The following OTULIN variants were observed in gnomAD, a reference collection of about 807,000 sequenced individuals.
The protein encoded by OTULIN is ubiquitin thioesterase otulin.
In OTULIN, 15 loss-of-function variants were observed where a neutral mutation model predicts 39.6. That is an observed-to-expected ratio of 0.38 (90% CI 0.25 to 0.58). OTULIN has a LOEUF of 0.58. OTULIN is among the 20% of genes least tolerant of loss of function. The probability of loss-of-function intolerance (pLI) is 0.66; values close to 1 mark genes in which losing one functional copy is unlikely to be tolerated. For missense variants in OTULIN, 319 were observed against 445.9 expected, an observed-to-expected ratio of 0.72 and a Z score of 2.56; for synonymous variants, 156 against 170.3, an observed-to-expected ratio of 0.92 and a Z score of 0.65.
chr5:14,702,144 T>C (rs902402279), downstream of OTULIN, among the ~76,000 whole-genome samples: 1 of 152,172 alleles, frequency 6.6e-6, no homozygotes, highest in Non-Finnish European at 1.5e-5. Flanking sequence ...GAGGCAGCGC[T>C]GATGGCGCTT....
At chr5:14,710,060 T>G in the OTULIN span, 3 of 152,352 alleles carry the variant, frequency 2.0e-5, no homozygotes, top group Middle Eastern at 6.8e-3. Context: ...GAATGCGTTA[T>G]TTCAGGGAGG....
chr5:14,705,556 T>C, the OTULIN span: 109,766 of 152,188 alleles, frequency 0.72, 40,785 homozygotes, highest in Middle Eastern at 0.85. Flanking sequence ...GAATCACGTG[T>C]GTGGCTCTTG....
Position 14,690,286 on chromosome 5 carries a change from G to T in OTULIN, c.842G>T (p.Gly281Val). ...QLLRNHLNQV[G>V]HTGGLEQVEM... ...CTGAGGAACCACCTCAACCAGGTGG[G>T]ACACACTGGTGGTCTTGAACAGGTA... The change falls in exon 6 of 7, where the codon GGA becomes GTA. Residue 281 changes from glycine (G) to valine (V), a missense_variant. Gly to Val is a moderately radical substitution (Grantham distance 109). Transcript: ENST00000284274. This position sits in a 1 kb window ranked among gnomAD's most constrained non-coding sequence, Gnocchi z 4.5. The T allele has an allele frequency of 6.2e-7, 1 of 1,614,084 alleles. No individual in the cohort carries two copies. Among genetic ancestry groups the T allele is most frequent in the South Asian group, 1.1e-5 (1 of 91,072 alleles).
At chr5:14,709,899 A>G in the OTULIN span, 5 of 152,616 alleles carry the variant, frequency 3.3e-5, no homozygotes, top group East Asian at 9.6e-4. Flanking sequence ...TATACAGCAT[A>G]TATTTATATC....
rs1171220671 is a variant in OTULIN at position 14,695,892 on chromosome 5, T to C, written c.*2844T>C. ...TGCACAGAACAGGATGAATCCTTTT[T>C]TCTTTATTTAGCGATTTACACTTTT... On this transcript the variant is annotated 3_prime_UTR_variant, in exon 7 of 7. Transcript: ENST00000284274. 6.6e-6 allele frequency: 1 copy of C among 152,216 alleles called. No homozygotes were observed. Among genetic ancestry groups the C allele is most frequent in the Non-Finnish European group, 1.5e-5 (1 of 68,038 alleles). 9.4% of individuals were successfully genotyped at this position (152,216 alleles called of 1,614,324 possible).
Position 14,678,673 on chromosome 5 carries a change from T to G in OTULIN, c.230-8T>G. 2 of 1,557,954 alleles carry G rather than the reference T, an allele frequency of 1.3e-6. No homozygotes were observed. The highest frequency in any genetic ancestry group is 1.2e-5 in the South Asian group (1 of 81,834). ...ATTTGCTTTTTTTTTTTTTAAATTC[T>G]TTAACAGAACCGAGATTAAGCGTAG... On this transcript the variant is annotated splice_region_variant and splice_polypyrimidine_tract_variant and intron_variant, in intron 2 of 6. Coordinates refer to ENST00000284274, the MANE Select transcript of OTULIN (RefSeq NM_138348.6).
At chr5:14,713,058 G>A in the OTULIN span, 1 of 1,323,574 alleles carries the variant, frequency 7.6e-7, no homozygotes, top group Non-Finnish European at 1.1e-6. The surrounding 1 kb of genome is among the most constrained non-coding windows in gnomAD (Gnocchi z 4.4). Context: ...GAAAGTAAGT[G>A]TAGCCTCGAG....
intron 1 of OTULIN, among the ~76,000 whole-genome samples, chr5:14,669,171 C>T (rs1167006502): frequency 3.9e-5 from 6 of 151,942 alleles, no homozygotes; most frequent in Admixed American, 1.3e-4. Context: ...TCACGACCAG[C>T]CTGGCCAATG....
Position 14,690,007 on chromosome 5 carries a change from A to C in OTULIN, c.595-32A>C. On this transcript the variant is annotated intron_variant, in intron 5 of 6. Transcript: ENST00000284274. The surrounding 1 kb of genome is among the most constrained non-coding windows in gnomAD (Gnocchi z 4.5). The stretch of plus-strand genomic sequence containing the variant: ...TATACCAGGGATTTTTAGAACAAAA[A>C]TTCTAATTATTACATAACTTTCTTA... 1 of 1,590,796 alleles carries C rather than the reference A, an allele frequency of 6.3e-7. No homozygotes were observed. The highest frequency in any genetic ancestry group is 8.6e-7 in the Non-Finnish European group (1 of 1,169,550).
downstream of OTULIN, among the ~76,000 whole-genome samples, chr5:14,703,600 C>T (rs1386733812): frequency 8.5e-5 from 13 of 152,170 alleles, no homozygotes; most frequent in South Asian, 6.2e-4. Flanking sequence ...GGGTTGGGGA[C>T]GTAGATTTGC....
chr5:14,693,018 C>T lies in OTULIN; in HGVS notation c.1029C>T (p.Pro343=), dbSNP rs376337976. The T allele has an allele frequency of 1.7e-5, 27 of 1,613,690 alleles. No individual in the cohort carries two copies. Among genetic ancestry groups the T allele is most frequent in the African/African-American group, 5.3e-5 (4 of 74,916 alleles). The change falls in exon 7 of 7, where the codon CCC becomes CCT. Residue 343 remains proline (P), a synonymous_variant. Transcript: ENST00000284274. ...AGGACGATCGGCACTATAACATCCCCGTCAGAGTGTGTGAGGAGACCAGTC... is the reference window on the plus strand; with the variant it reads ...AGGACGATCGGCACTATAACATCCCTGTCAGAGTGTGTGAGGAGACCAGTC... ...IAEDDRHYNI[P]VRVCEETSL
At chr5:14,680,541 G>A (rs1018707694) in intron 3 of OTULIN, among the ~76,000 whole-genome samples, 6 of 152,166 alleles carry the variant, frequency 3.9e-5, no homozygotes, top group Non-Finnish European at 7.3e-5. Flanking sequence ...TCAGGGAGAT[G>A]GTGGGCAGTT....
downstream of OTULIN, among the ~76,000 whole-genome samples, chr5:14,699,884 C>T (rs143980222): frequency 1.3e-5 from 2 of 152,276 alleles, no homozygotes; most frequent in East Asian, 3.9e-4. Context: ...TGTTCTTTGC[C>T]TCTGACATTA....
chr5:14,665,007 C>A, intron 1 of OTULIN, 30 bp downstream of exon 1: 1 of 1,037,620 alleles, frequency 9.6e-7, no homozygotes, highest in Non-Finnish European at 1.2e-6. Context: ...GGGCGCGGGC[C>A]GTGGGCGGCG....
the OTULIN span, chr5:14,712,830 AGGAGGATGCACCCG>A: frequency 6.5e-7 from 1 of 1,534,596 alleles, no homozygotes; most frequent in East Asian, 2.4e-5. Context: ...TCCTGCACCC[AGGAGGATGCACCCG>A]GGAGGAGGCT....
intron 6 of OTULIN, 75 bp from the exon 7 acceptor site, chr5:14,692,779 A>G: frequency 7.5e-7 from 1 of 1,333,618 alleles, no homozygotes. Flanking sequence ...CTGTGGGATA[A>G]TGGATGGAAC....
chr5:14,702,142 G>A (rs1001951850), downstream of OTULIN, among the ~76,000 whole-genome samples: 1 of 152,216 alleles, frequency 6.6e-6, no homozygotes, highest in African/African-American at 2.4e-5. Context: ...AGGAGGCAGC[G>A]CTGATGGCGC....
At chr5:14,667,486 C>T (rs1254439414) in intron 1 of OTULIN, among the ~76,000 whole-genome samples, 3 of 152,180 alleles carry the variant, frequency 2.0e-5, no homozygotes, top group African/African-American at 2.4e-5. Context: ...GATCCTCCCA[C>T]CTCAGCCTCC....
At chr5:14,674,769 A>G (rs1358341036) in intron 2 of OTULIN, among the ~76,000 whole-genome samples, 3 of 152,134 alleles carry the variant, frequency 2.0e-5, no homozygotes, top group African/African-American at 7.2e-5. Context: ...AAAATAAAAA[A>G]TAAAAATATA....
Sources: allele counts gnomAD v4.1 joint callset (sites outside exome capture counted in the v4.1 genomes callset), GRCh38; gene constraint gnomAD v4.1.1; non-coding constraint Gnocchi (gnomAD v3.1); transcripts MANE v1.5; gene names NCBI Gene and HGNC (gene_info 2026-07-23, HGNC 2026-07-21).